CNTN4: variants seen among roughly 807,000 people sequenced by gnomAD.
The protein encoded by CNTN4 is contactin 4.
Under a neutral mutation model 122.5 loss-of-function variants are expected in CNTN4, and 77 were observed. That is an observed-to-expected ratio of 0.63 (90% CI 0.52 to 0.76). The LOEUF (loss-of-function observed/expected upper bound fraction) is 0.76. Ranked by LOEUF, CNTN4 falls within the 30% of genes least tolerant of loss-of-function variation. The probability of loss-of-function intolerance (pLI) is 0.00; values close to 1 mark genes in which losing one functional copy is unlikely to be tolerated. For synonymous variants in CNTN4, 512 were observed against 447.0 expected, an observed-to-expected ratio of 1.15 and a Z score of -1.83; for missense variants, 1,256 against 1,259.1, an observed-to-expected ratio of 1.00 and a Z score of 0.04.
At chr3:2,132,533 A>G (rs2034501043) in intron 2 of CNTN4, 1 of 152,136 alleles carries the variant, frequency 6.6e-6, no homozygotes, top group South Asian at 2.1e-4. Flanking sequence ...ACAATCCAGA[A>G]AGCAAGGTCT....
chr3:2,901,210 A>G, intron 11 of CNTN4, among the ~76,000 whole-genome samples: 1 of 152,234 alleles, frequency 6.6e-6, no homozygotes, highest in South Asian at 2.1e-4. Context: ...TCTGACAAAG[A>G]AATCTGAATG....
At chr3:2,197,207 C>T (rs1559334107) in intron 2 of CNTN4, among the ~76,000 whole-genome samples, 1 of 152,120 alleles carries the variant, frequency 6.6e-6, no homozygotes, top group Non-Finnish European at 1.5e-5. Context: ...CCATACTGGC[C>T]CTGGGCCTCT....
intron 3 of CNTN4, among the ~76,000 whole-genome samples, chr3:2,479,865 T>G (rs2075939341): frequency 6.6e-6 from 1 of 152,140 alleles, no homozygotes; most frequent in African/African-American, 2.4e-5. Context: ...AGCAAAATCC[T>G]CTACAAAATC....
At position 2,611,313 on chromosome 3, in the gene CNTN4, G is replaced by GA. The variant is rs1370397110; in HGVS notation, c.55+39758dup. ...ACCTGGAACCAAAAAAAAAAAAAAA[G>GA]AAAGAAAGAAAGAAACAAAAACAAA... On this transcript the variant is annotated intron_variant, in intron 4 of 24. Coordinates refer to ENST00000418658, the MANE Select transcript of CNTN4 (RefSeq NM_175607.3). Among the ~76,000 whole-genome samples the GA allele has an allele frequency of 6.2e-5, 7 of 113,588 alleles. 1 individual carries two copies. Among genetic ancestry groups the GA allele is most frequent in the African/African-American group, 1.1e-4 (3 of 26,486 alleles). The allele number at this position is 113,588 out of a possible 152,430, so 74.5% of individuals were successfully genotyped here.
chr3:2,231,220 C>T (rs1029007196), intron 2 of CNTN4, among the ~76,000 whole-genome samples: 1 of 152,126 alleles, frequency 6.6e-6, no homozygotes, highest in Non-Finnish European at 1.5e-5. Context: ...TTCATACTAG[C>T]CACATTGCAA....
chr3:2,450,629 A>C (rs199924845), intron 3 of CNTN4, among the ~76,000 whole-genome samples: 1 of 152,102 alleles, frequency 6.6e-6, no homozygotes, highest in Non-Finnish European at 1.5e-5. Context: ...TACCGGTTAA[A>C]AAAAAAGAAC....
chr3:2,588,687 C>G (rs1184457941), intron 4 of CNTN4, among the ~76,000 whole-genome samples: 1 of 151,060 alleles, frequency 6.6e-6, no homozygotes, highest in Non-Finnish European at 1.5e-5. Flanking sequence ...TTTTTTAGTG[C>G]CTGATCTCTG....
chr3:2,983,494 T>C (rs903170274), intron 13 of CNTN4, among the ~76,000 whole-genome samples: 11 of 152,192 alleles, frequency 7.2e-5, no homozygotes, highest in Admixed American at 4.6e-4. Context: ...TAATAGAACA[T>C]GTGGCTAACT....
intron 14 of CNTN4, among the ~76,000 whole-genome samples, chr3:3,000,541 CA>C (rs1266526905): frequency 1.3e-5 from 2 of 152,220 alleles, no homozygotes; most frequent in Non-Finnish European, 2.9e-5. Flanking sequence ...AATTTTCAAA[CA>C]ATTAGGCCAT....
chr3:2,775,045 C>G (rs1346608112), intron 6 of CNTN4, among the ~76,000 whole-genome samples: 1 of 152,208 alleles, frequency 6.6e-6, no homozygotes, highest in South Asian at 2.1e-4. Flanking sequence ...CTTTATTCAT[C>G]ATATGCTCTG....
At chr3:2,291,984 C>T (rs1282234386) in intron 2 of CNTN4, among the ~76,000 whole-genome samples, 6 of 152,170 alleles carry the variant, frequency 3.9e-5, no homozygotes, top group Non-Finnish European at 8.8e-5. Context: ...GATCCACCCG[C>T]CTCAGCCTCC....
At chr3:2,170,133 A>T (rs1244393159) in intron 2 of CNTN4, among the ~76,000 whole-genome samples, 3 of 151,800 alleles carry the variant, frequency 2.0e-5, no homozygotes, top group African/African-American at 4.8e-5. Context: ...CATCCTGGCT[A>T]ACACGGTGAA....
At chr3:2,710,180 T>C (rs977988823) in intron 4 of CNTN4, among the ~76,000 whole-genome samples, 3 of 152,344 alleles carry the variant, frequency 2.0e-5, no homozygotes, top group Admixed American at 6.5e-5. Context: ...TTTTGGTTTT[T>C]AGTTGTGCAG....
At chr3:2,424,420 A>G (rs2047738308) in intron 3 of CNTN4, among the ~76,000 whole-genome samples, 1 of 152,146 alleles carries the variant, frequency 6.6e-6, no homozygotes, top group African/African-American at 2.4e-5. Flanking sequence ...GCCGCATAGT[A>G]TTCCATGGTA....
rs1332047637 is a variant in CNTN4, at chr3:2,412,208, C to T, written c.-89+72975C>T. Among the ~76,000 whole-genome samples, 4 of 151,858 alleles carry T rather than the reference C, an allele frequency of 2.6e-5. No homozygotes were observed. The South Asian group carries it at 6.2e-4, about 24-fold the overall frequency. On this transcript the variant is annotated intron_variant, in intron 3 of 24. Transcript: ENST00000418658. ...TTATATGAATATATCGCAATCTCTT[C>T]ATCCTCCTCCTAGTGATGAATATAA...
chr3:2,240,435 C>T (rs1180460880), intron 2 of CNTN4, among the ~76,000 whole-genome samples: 1 of 152,044 alleles, frequency 6.6e-6, no homozygotes, highest in Non-Finnish European at 1.5e-5. Context: ...AATATACCAA[C>T]AGCAGATATC....
At chr3:2,627,505 T>A (rs1345479283) in intron 4 of CNTN4, among the ~76,000 whole-genome samples, 1 of 148,654 alleles carries the variant, frequency 6.7e-6, no homozygotes, top group Non-Finnish European at 1.5e-5. Flanking sequence ...TTTTTTTTTT[T>A]TTTTTTGAGA....
At chr3:2,514,176 C>G (rs898803507) in intron 3 of CNTN4, among the ~76,000 whole-genome samples, 1 of 152,076 alleles carries the variant, frequency 6.6e-6, no homozygotes, top group Non-Finnish European at 1.5e-5. Flanking sequence ...TTGTTTGACC[C>G]CAGAGCTGCC....
intron 2 of CNTN4, among the ~76,000 whole-genome samples, chr3:2,248,943 C>G (rs554497244): frequency 6.6e-6 from 1 of 151,844 alleles, no homozygotes; most frequent in Non-Finnish European, 1.5e-5. Context: ...GGTATTCCCT[C>G]GTACCCTCCA....
Sources: allele counts gnomAD v4.1 joint callset (sites outside exome capture counted in the v4.1 genomes callset), GRCh38; gene constraint gnomAD v4.1.1; transcripts MANE v1.5; gene names NCBI Gene and HGNC (gene_info 2026-07-23, HGNC 2026-07-21).